Variants in RAB11FIP3 observed in about 807,000 individuals in gnomAD.
The protein encoded by RAB11FIP3 is rab11 family-interacting protein 3.
A neutral mutation model predicts 77.8 loss-of-function variants in RAB11FIP3; 17 were observed. The ratio of observed to expected loss-of-function variants is 0.22; its 90% CI spans 0.15 to 0.33. The LOEUF is 0.33. Ranked by LOEUF, RAB11FIP3 falls within the 10% of genes least tolerant of loss-of-function variation. The pLI is 1.00. For synonymous variants in RAB11FIP3, 437 were observed against 448.2 expected, an observed-to-expected ratio of 0.98 and a Z score of 0.31; for missense variants, 1,005 against 1,011.2, an observed-to-expected ratio of 0.99 and a Z score of 0.08.
chr16:451,853 AAAAC>A (rs975460768), intron 1 of RAB11FIP3, among the ~76,000 whole-genome samples: 42 of 151,446 alleles, frequency 2.8e-4, no homozygotes, highest in African/African-American at 8.7e-4. Flanking sequence ...ACAAAGGAAA[AAAAC>A]AAACAAAAAG....
rs541985878 is a variant in RAB11FIP3, at chr16:435,009, G to C, written c.714+8289G>C. ...TCACGAGGTCAAGAGATCGAGACTAGCCTAACCAACATGGTGAAACCCCGT... is the reference window on the plus strand; with the variant it reads ...TCACGAGGTCAAGAGATCGAGACTACCCTAACCAACATGGTGAAACCCCGT... On this transcript the variant is annotated intron_variant, in intron 1 of 13. Transcript: ENST00000262305. Among the ~76,000 whole-genome samples the C allele has an allele frequency of 1.4e-4, 22 of 152,190 alleles. No individual in the cohort carries two copies. The East Asian group carries it at 4.1e-3, about 28-fold the overall frequency.
rs758797986 is a variant in RAB11FIP3 at position 471,912 on chromosome 16, C to T, written c.903+523C>T. ...TCGAGCACAGCCGTGGTCGACAGAGCGTAACCATGTCCGCCGGTCTGGAGG... is the reference window on the plus strand; with the variant it reads ...TCGAGCACAGCCGTGGTCGACAGAGTGTAACCATGTCCGCCGGTCTGGAGG... On this transcript the variant is annotated intron_variant, in intron 3 of 13. Coordinates refer to ENST00000262305, the MANE Select transcript of RAB11FIP3 (RefSeq NM_014700.4). This position sits in a 1 kb window ranked among gnomAD's most constrained non-coding sequence, Gnocchi z 4.4. 1.8e-4 allele frequency among the ~76,000 whole-genome samples: 28 copies of T among 152,098 alleles called. No homozygotes were observed. The highest frequency in any genetic ancestry group is 3.8e-4 in the Non-Finnish European group (26 of 68,006).
chr16:455,049 CA>C (rs769495387), intron 1 of RAB11FIP3, among the ~76,000 whole-genome samples: 26 of 67,500 alleles, frequency 3.9e-4, no homozygotes, highest in South Asian at 1.2e-3. Context: ...AACTCCGTCT[CA>C]AAAAAAAAAA....
chr16:459,942 A>G (rs1407875659), intron 1 of RAB11FIP3, among the ~76,000 whole-genome samples: 1 of 149,950 alleles, frequency 6.7e-6, no homozygotes, highest in African/African-American at 2.5e-5. Context: ...CAATGGCGCA[A>G]TCTCTGCTCA....
chr16:426,465 A>G lies in RAB11FIP3; in HGVS notation c.459A>G (p.Arg153=). 6.3e-7 allele frequency: 1 copy of G among 1,582,640 alleles called. No homozygotes were observed. Among genetic ancestry groups the G allele is most frequent in the South Asian group, 1.1e-5 (1 of 87,126 alleles). ...TGCAGGGGTCCAGCAGCAGCCACCGAGCGCGGGGCGAGGTCGACGTCTTCT... is the reference window on the plus strand; with the variant it reads ...TGCAGGGGTCCAGCAGCAGCCACCGGGCGCGGGGCGAGGTCGACGTCTTCT... The part of the protein sequence containing the change: ...FRLQGSSSSH[R]ARGEVDVFSP... Residue 153 remains arginine (R), a synonymous_variant, in exon 1 of 14, where the codon CGA becomes CGG. Transcript: ENST00000262305. This position sits in a 1 kb window ranked among gnomAD's most constrained non-coding sequence, Gnocchi z 5.0.
Position 426,338 on chromosome 16 carries a change from G to T in RAB11FIP3, c.332G>T (p.Arg111Leu), listed in dbSNP as rs868070980. ...CCCGACGCCCCGGGCCCAGGGCCGC[G>T]CTCCGAAGCGCCGCTTCCAGAACTC... ...ASPDAPGPGP[R>L]SEAPLPELDP... is the part of the protein sequence containing the mutation. Residue 111 changes from arginine to leucine, a missense_variant, in exon 1 of 14, where the codon CGC (arginine) becomes CTC (leucine). This residue lies in a region of RAB11FIP3 where 466 missense variants were observed against 408.3 expected (regional missense o/e 1.14). Coordinates refer to ENST00000262305, the MANE Select transcript of RAB11FIP3 (RefSeq NM_014700.4). The surrounding 1 kb of genome is among the most constrained non-coding windows in gnomAD (Gnocchi z 5.0). 1 of 1,495,016 alleles carries T rather than the reference G, an allele frequency of 6.7e-7. No individual in the cohort carries two copies. The allele number at this position is 1,495,016 out of a possible 1,614,324, so 92.6% of individuals were successfully genotyped here.
At chr16:477,297 A>C (rs918775853) in intron 3 of RAB11FIP3, among the ~76,000 whole-genome samples, 1 of 152,082 alleles carries the variant, frequency 6.6e-6, no homozygotes, top group Non-Finnish European at 1.5e-5. Flanking sequence ...TGAACCACTG[A>C]ACCTGATGTT....
chr16:463,987 C>T (rs921353574), intron 2 of RAB11FIP3, among the ~76,000 whole-genome samples: 6 of 152,158 alleles, frequency 3.9e-5, no homozygotes, highest in Non-Finnish European at 4.4e-5. Flanking sequence ...AGAAAGGACA[C>T]CCTGACAACC....
At chr16:441,578 C>T (rs928899263) in intron 1 of RAB11FIP3, among the ~76,000 whole-genome samples, 2 of 152,208 alleles carry the variant, frequency 1.3e-5, no homozygotes, top group African/African-American at 4.8e-5. Flanking sequence ...GTCGTTGCCT[C>T]TCTAAATTGA....
At chr16:456,375 GGT>G (rs2055503428) in intron 1 of RAB11FIP3, among the ~76,000 whole-genome samples, 1 of 151,958 alleles carries the variant, frequency 6.6e-6, no homozygotes. Flanking sequence ...GGGAGGCAGA[GGT>G]TGCAGTGAGT....
rs191891266 is a variant in RAB11FIP3 at position 439,712 on chromosome 16, A to G, written c.714+12992A>G. Among the ~76,000 whole-genome samples, 3 of 152,308 alleles carry G rather than the reference A, an allele frequency of 2.0e-5. No individual in the cohort carries two copies. In the East Asian group the frequency reaches 5.8e-4, roughly 29 times the overall value. ...TTGGTTTTATGCATTTTAGGGAGAC[A>G]TGAGACATCAATCAATATATGAAAG... On this transcript the variant is annotated intron_variant, in intron 1 of 13. Coordinates refer to ENST00000262305, the MANE Select transcript of RAB11FIP3 (RefSeq NM_014700.4).
intron 9 of RAB11FIP3, among the ~76,000 whole-genome samples, chr16:512,695 C>A (rs114447012): frequency 0.013 from 2,002 of 151,992 alleles, 41 homozygotes; most frequent in African/African-American, 0.045. Context: ...AGGCTCACAC[C>A]ACTGCACCCA....
chr16:447,461 G>C (rs911106959), intron 1 of RAB11FIP3, among the ~76,000 whole-genome samples: 4 of 152,112 alleles, frequency 2.6e-5, no homozygotes, highest in African/African-American at 9.7e-5. Context: ...TATTGTGGCC[G>C]GGCGCAGTGG....
intron 6 of RAB11FIP3, among the ~76,000 whole-genome samples, chr16:500,332 G>A (rs919890173): frequency 2.0e-5 from 3 of 152,156 alleles, no homozygotes. Flanking sequence ...TGGGAGGAGG[G>A]TCCTTCCAAG....
Position 506,802 on chromosome 16 carries a change from C to T in RAB11FIP3, c.1499+1175C>T, listed in dbSNP as rs866486557. On this transcript the variant is annotated intron_variant, in intron 8 of 13. Coordinates refer to ENST00000262305, the MANE Select transcript of RAB11FIP3 (RefSeq NM_014700.4). The surrounding 1 kb of genome is among the most constrained non-coding windows in gnomAD (Gnocchi z 4.5). The stretch of plus-strand genomic sequence containing the variant: ...GCGGCTGCCCGTTCTCCAGGATTCT[C>T]AGCAGAAGAGGGCCTGCTACCAGCC... 6.6e-6 allele frequency among the ~76,000 whole-genome samples: 1 copy of T among 152,222 alleles called. No individual in the cohort carries two copies. Among genetic ancestry groups the T allele is most frequent in the African/African-American group, 2.4e-5 (1 of 41,440 alleles).
At chr16:436,901 T>G (rs2055139272) in intron 1 of RAB11FIP3, among the ~76,000 whole-genome samples, 1 of 152,134 alleles carries the variant, frequency 6.6e-6, no homozygotes, top group Non-Finnish European at 1.5e-5. Flanking sequence ...GTGACAGAAT[T>G]ATAGCTAGAT....
In RAB11FIP3 at chr16:509,288, C is replaced by T. The variant is rs370311300; in HGVS notation, c.1500-1372C>T. On this transcript the variant is annotated intron_variant, in intron 8 of 13. Transcript: ENST00000262305. ...TCTCTTCTGCAGCAGGCTGCCCTGACGCTGCAGCTTTGGCTCTCTGCTCGC... is the reference window on the plus strand; with the variant it reads ...TCTCTTCTGCAGCAGGCTGCCCTGATGCTGCAGCTTTGGCTCTCTGCTCGC... 2.6e-4 allele frequency among the ~76,000 whole-genome samples: 39 copies of T among 152,398 alleles called. No individual in the cohort carries two copies. The East Asian group carries it at 3.9e-3, about 15-fold the overall frequency.
intron 3 of RAB11FIP3, chr16:475,238 G>T: frequency 3.0e-6 from 3 of 1,000,442 alleles, no homozygotes; most frequent in Non-Finnish European, 2.7e-6. Flanking sequence ...CTTTTTCTCT[G>T]TCCGCTGGTG....
intron 1 of RAB11FIP3, among the ~76,000 whole-genome samples, chr16:431,141 A>G (rs1567351761): frequency 6.6e-6 from 1 of 151,900 alleles, no homozygotes; most frequent in Non-Finnish European, 1.5e-5. Flanking sequence ...GTGCGGTGAG[A>G]TGTGTGGGAG....
Sources: gnomAD v4.1 joint callset for allele counts (sites outside exome capture counted in the v4.1 genomes callset) on GRCh38, gnomAD v4.1.1 for gene constraint, gnomAD v4.1.1 regional missense constraint, Gnocchi (gnomAD v3.1) non-coding constraint, MANE v1.5 for transcripts, NCBI Gene and HGNC (gene_info 2026-07-23, HGNC 2026-07-21) for gene names.